The following CC2D1B variants were observed in gnomAD, a reference collection of about 807,000 sequenced individuals.
CC2D1B encodes the protein coiled-coil and C2 domain containing 1B.
CC2D1B carries 92 observed loss-of-function variants against 110.8 expected under a neutral mutation model. The observed-to-expected ratio is 0.83, with a 90% CI of 0.70 to 0.99. The LOEUF (loss-of-function observed/expected upper bound fraction) is 0.99, where lower values mean the gene tolerates loss of function less well. Among genes scored for constraint, CC2D1B ranks in the 50% least tolerant of loss-of-function variants. The probability of loss-of-function intolerance (pLI) is 0.00; values close to 1 mark genes in which losing one functional copy is unlikely to be tolerated. For synonymous variants in CC2D1B, 406 were observed against 429.2 expected (o/e 0.95, Z 0.67); for missense variants, 1,136 against 1,089.0 (o/e 1.04, Z -0.61).
chr1:52,359,139 T>C lies in CC2D1B; in HGVS notation c.1145A>G (p.Gln382Arg). ...CTGCTGCAGGGCATCCAGCACTGTC[T>C]GTGACTCTGTAGGGGCCACTTGAAG... ...PATPVAPTES[Q>R]TVLDALQQRL... Residue 382 changes from glutamine to arginine, a missense_variant, in exon 11 of 25, where the codon CAG becomes CGG. Transcript: ENST00000284376. 2 of 1,611,178 alleles carry C rather than the reference T, an allele frequency of 1.2e-6. No individual in the cohort carries two copies. Among genetic ancestry groups the C allele is most frequent in the Admixed American group, 1.7e-5 (1 of 60,030 alleles).
chr1:52,354,867 C>A lies in CC2D1B; in HGVS notation c.2312G>T (p.Gly771Val). ...TTTGTGGAAGATCTCAAACTTGATGCCTTTGCTCTGGATCACCCTCTTGAA... is the reference window on the plus strand; with the variant it reads ...TTTGTGGAAGATCTCAAACTTGATGACTTTGCTCTGGATCACCCTCTTGAA... ...RGFKRVIQSK[G>V]IKFEIFHKGS... Residue 771 changes from glycine (G) to valine (V), a missense_variant, in exon 22 of 25, where the codon GGC becomes GTC. Physicochemically the swap from Gly to Val is moderately radical, Grantham distance 109. Coordinates refer to ENST00000284376, the MANE Select transcript of CC2D1B (RefSeq NM_001330585.2). 1 of 1,614,178 alleles carries A rather than the reference C, an allele frequency of 6.2e-7. No individual in the cohort carries two copies. The highest frequency in any genetic ancestry group is 8.5e-7 in the Non-Finnish European group (1 of 1,180,008).
Position 52,357,895 on chromosome 1 carries a change from C to A in CC2D1B, c.1465G>T (p.Glu489Ter). 6.4e-7 allele frequency: 1 copy of A among 1,553,168 alleles called. No individual in the cohort carries two copies. The highest frequency in any genetic ancestry group is 8.7e-7 in the Non-Finnish European group (1 of 1,155,474). Residue 489 changes from glutamate to a stop codon, truncating the protein, a stop_gained, in exon 14 of 25, where the codon GAG (glutamate) becomes TAG (stop). Transcript: ENST00000284376. LOFTEE classifies it high-confidence loss of function. Reference protein sequence around the residue: ...APADKDEDEGEPPAQAPVAKK... With the variant: ...APADKDEDEG The stretch of plus-strand genomic sequence containing the variant: ...GCCACTGGGGCCTGTGCTGGGGGCT[C>A]ACCCTGCAGGTGCCCAGGAGGCTGT...
rs1198405050 is a variant in CC2D1B, at chr1:52,352,820, A to C, written c.*405T>G. 6.3e-6 allele frequency: 1 copy of C among 158,678 alleles called. No individual in the cohort carries two copies. Among genetic ancestry groups the C allele is most frequent in the Non-Finnish European group, 1.4e-5 (1 of 71,754 alleles). The allele number at this position is 158,678 out of a possible 1,614,324, so 9.8% of individuals were successfully genotyped here. ...CCCTCAGCAGGGGAGGTTCCCGATC[A>C]CCCTCAAGTTCTCCCATCCCATAGT... On this transcript the variant is annotated 3_prime_UTR_variant, in exon 25 of 25. Transcript: ENST00000284376.
Position 52,360,314 on chromosome 1 carries a change from C to T in CC2D1B, c.604-81G>A, listed in dbSNP as rs1278593213. On this transcript the variant is annotated intron_variant, in intron 6 of 24. Coordinates refer to ENST00000284376, the MANE Select transcript of CC2D1B (RefSeq NM_001330585.2). ...TCCAAGACAGGCCAGGGGTGGCCCC[C>T]CAACCCCCAAAGTCTGGTGGGGTGA... The T allele has an allele frequency of 1.0e-4, 165 of 1,596,058 alleles. 4 individuals carry two copies. In the South Asian group the frequency reaches 1.8e-3, roughly 17 times the overall value.
At position 52,353,565 on chromosome 1, in the gene CC2D1B, T is replaced by C; in HGVS notation, c.2513A>G (p.Gln838Arg). 1.2e-6 allele frequency: 2 copies of C among 1,614,098 alleles called. No individual in the cohort carries two copies. Residue 838 changes from glutamine to arginine, a missense_variant, in exon 24 of 25, where the codon CAG becomes CGG. Gln to Arg is a conservative substitution (Grantham distance 43). Coordinates refer to ENST00000284376, the MANE Select transcript of CC2D1B (RefSeq NM_001330585.2). ...AACCAGCCAGTTCTCAGTGACCATC[T>C]GCACATCCTGGCCACTCAGAGGCTC... is the stretch of plus-strand genomic sequence containing the variant. ...LREPLSGQDV[Q>R]MVTENWLVLE... is the part of the protein sequence containing the mutation.
Position 52,353,328 on chromosome 1 carries a change from C to T in CC2D1B, c.*2-105G>A, listed in dbSNP as rs537270045. 2.0e-6 allele frequency: 3 copies of T among 1,476,900 alleles called. No homozygotes were observed. The East Asian group carries it at 7.5e-5, about 37-fold the overall frequency. 91.5% of individuals were successfully genotyped at this position (1,476,900 alleles called of 1,614,324 possible). A position where few individuals can be genotyped will look rare whatever the true frequency, so the allele number is the denominator to read the frequency against. On this transcript the variant is annotated intron_variant, in intron 24 of 24. Transcript: ENST00000284376. ...ATAGATAGATAGATAGATAGTTAAA[C>T]CTTGGAAGGTTACCTTCTCTTCCCA...
rs141099732 is a variant in CC2D1B at position 52,359,044 on chromosome 1, G to A, written c.1240C>T (p.His414Tyr). 21 of 1,606,954 alleles carry A rather than the reference G, an allele frequency of 1.3e-5. No homozygotes were observed. In the African/African-American group the frequency reaches 2.1e-4, roughly 16 times the overall value. The change falls in exon 11 of 25, where the codon CAT becomes TAT. Residue 414 changes from histidine (H) to tyrosine (Y), a missense_variant. Coordinates refer to ENST00000284376, the MANE Select transcript of CC2D1B (RefSeq NM_001330585.2). ...SGGDERKARM[H>Y]ERIAKQYQDA... ...GGGCCCACCTTGGCAATGCGCTCAT[G>A]CATCCGAGCCTTGCGCTCGTCCCCA...
At chr1:52,364,125 T>C (rs1646838713) in intron 2 of CC2D1B, among the ~76,000 whole-genome samples, 1 of 152,186 alleles carries the variant, frequency 6.6e-6, no homozygotes, top group Non-Finnish European at 1.5e-5. Context: ...ACAGTAAAAA[T>C]GGACTAAGAA....
Position 52,353,142 on chromosome 1 carries a change from A to C in CC2D1B, c.*83T>G. The C allele has an allele frequency of 1.6e-6, 2 of 1,281,650 alleles. No homozygotes were observed. Among genetic ancestry groups the C allele is most frequent in the Non-Finnish European group, 2.1e-6 (2 of 967,308 alleles). The allele number at this position is 1,281,650 out of a possible 1,614,324, so 79.4% of individuals were successfully genotyped here. On this transcript the variant is annotated 3_prime_UTR_variant, in exon 25 of 25. Transcript: ENST00000284376. Reference sequence around the variant, plus strand: ...TGGGTAGCAGCATCTCTTATGTACAAAGGCTTCTGAAGCCAGCAAAGCTGG... The same window carrying C: ...TGGGTAGCAGCATCTCTTATGTACACAGGCTTCTGAAGCCAGCAAAGCTGG...
In CC2D1B at chr1:52,358,236, C is replaced by T. The variant is rs1357185891; in HGVS notation, c.1461+95G>A. 12 of 1,496,666 alleles carry T rather than the reference C, an allele frequency of 8.0e-6. No homozygotes were observed. The East Asian group carries it at 2.7e-4, about 34-fold the overall frequency. The allele number at this position is 1,496,666 out of a possible 1,614,324, so 92.7% of individuals were successfully genotyped here. On this transcript the variant is annotated intron_variant, in intron 13 of 24. Coordinates refer to ENST00000284376, the MANE Select transcript of CC2D1B (RefSeq NM_001330585.2). Reference sequence around the variant, plus strand: ...TGTACAGTGGAGGAAAGAATATGTACCTTATTGGGCTTGTTAGTATGGACA... The same window carrying T: ...TGTACAGTGGAGGAAAGAATATGTATCTTATTGGGCTTGTTAGTATGGACA...
In CC2D1B at chr1:52,357,765, C is replaced by T. The variant is rs370680927; in HGVS notation, c.1579+16G>A. Reference sequence around the variant, plus strand: ...TCTAGGCCCTCAGTTCTTCACCCTGCTTGTCCCCAACTCACCAGATGGACT... The same window carrying T: ...TCTAGGCCCTCAGTTCTTCACCCTGTTTGTCCCCAACTCACCAGATGGACT... On this transcript the variant is annotated intron_variant, in intron 14 of 24. Coordinates refer to ENST00000284376, the MANE Select transcript of CC2D1B (RefSeq NM_001330585.2). 1.3e-6 allele frequency: 2 copies of T among 1,597,164 alleles called. No homozygotes were observed. The highest frequency in any genetic ancestry group is 1.7e-5 in the Admixed American group (1 of 58,650).
At chr1:52,362,866 T>TG (rs2147897056) in intron 2 of CC2D1B, 120 bp from the exon 3 acceptor site, 1 of 1,002,868 alleles carries the variant, frequency 1.0e-6, no homozygotes, top group African/African-American at 1.6e-5. Context: ...TGAGGCCCAA[T>TG]GTGCAGAAAG....
chr1:52,354,800 C>T (rs1458916674), intron 22 of CC2D1B, 40 bp downstream of exon 22: 1 of 1,605,150 alleles, frequency 6.2e-7, no homozygotes, highest in Admixed American at 1.7e-5. Flanking sequence ...CTCTTCCCTC[C>T]TCCCGGCCCG....
At chr1:52,357,957 C>T in intron 13 of CC2D1B, 59 bp from the exon 14 acceptor site, 1 of 1,515,502 alleles carries the variant, frequency 6.6e-7, no homozygotes, top group Middle Eastern at 2.5e-4. Flanking sequence ...GTCATGGCGG[C>T]TCCCAGACTT....
At position 52,352,079 on chromosome 1, in the gene CC2D1B, G is replaced by C. The variant is rs1453472405; in HGVS notation, c.*1146C>G. 1.3e-5 allele frequency: 2 copies of C among 152,048 alleles called. No individual in the cohort carries two copies. The highest frequency in any genetic ancestry group is 4.8e-5 in the African/African-American group (2 of 41,388). 9.4% of individuals were successfully genotyped at this position (152,048 alleles called of 1,614,324 possible). ...TGCTTATGCAATACTATAGTGATCA[G>C]TAAGCTGAATGTATTTGCTTCACTT... On this transcript the variant is annotated 3_prime_UTR_variant, in exon 25 of 25. Transcript: ENST00000284376.
In CC2D1B at chr1:52,359,727, C is replaced by T. The variant is rs376299434; in HGVS notation, c.920G>A (p.Arg307Gln). 1.0e-5 allele frequency: 16 copies of T among 1,605,902 alleles called. No individual in the cohort carries two copies. The highest frequency in any genetic ancestry group is 2.2e-5 in the South Asian group (2 of 89,482). ...TACCTTCCCAATCCTCATGAGCTCTCGGGCACGGTCTAGCTCTCCAGCCCG... is the reference window on the plus strand; with the variant it reads ...TACCTTCCCAATCCTCATGAGCTCTTGGGCACGGTCTAGCTCTCCAGCCCG... ...AKRAGELDRA[R>Q]ELMRIGKRFG... is the part of the protein sequence containing the mutation. The change falls in exon 8 of 25, where the codon CGA (arginine) becomes CAA (glutamine). Residue 307 changes from arginine (R) to glutamine (Q), a missense_variant. By Grantham distance (43) the Arg-to-Gln change is conservative (BLOSUM62 1). Coordinates refer to ENST00000284376, the MANE Select transcript of CC2D1B (RefSeq NM_001330585.2).
chr1:52,365,261 CG>C lies in CC2D1B; in HGVS notation c.-14-628del, dbSNP rs1438379247. ...TGGGAGCGCAGAAATGAACCTAAGA[CG>C]GTCTCAGCCTTCAATGACCATTTAC... is the stretch of plus-strand genomic sequence containing the variant. On this transcript the variant is annotated intron_variant, in intron 1 of 24. Transcript: ENST00000284376. Among the ~76,000 whole-genome samples the C allele has an allele frequency of 6.6e-5, 10 of 152,372 alleles. No homozygotes were observed. The East Asian group carries it at 1.9e-3, about 29-fold the overall frequency.
rs1379261780 is a variant in CC2D1B, at chr1:52,351,344, C to T, written c.*1881G>A. On this transcript the variant is annotated 3_prime_UTR_variant, in exon 25 of 25. Coordinates refer to ENST00000284376, the MANE Select transcript of CC2D1B (RefSeq NM_001330585.2). ...GGCCTGAATTTAGAAACTCCTAGAG[C>T]TGGCTGGAACTTTAGAGGATAACCA... The T allele has an allele frequency of 6.6e-6, 1 of 152,202 alleles. No homozygotes were observed. Among genetic ancestry groups the T allele is most frequent in the Admixed American group, 6.5e-5 (1 of 15,280 alleles). The allele number at this position is 152,202 out of a possible 1,614,324, so 9.4% of individuals were successfully genotyped here.
chr1:52,356,461 A>C lies in CC2D1B; in HGVS notation c.1879-19T>G. ...GGCACTTCTGAAAATAGAGGCCCAG[A>C]GTGACTCCCGAGCCCAGAGCAGGAC... On this transcript the variant is annotated intron_variant, in intron 16 of 24. Coordinates refer to ENST00000284376, the MANE Select transcript of CC2D1B (RefSeq NM_001330585.2). 6.2e-7 allele frequency: 1 copy of C among 1,614,086 alleles called. No homozygotes were observed. The highest frequency in any genetic ancestry group is 8.5e-7 in the Non-Finnish European group (1 of 1,179,950).
Sources: allele counts gnomAD v4.1 joint callset (sites outside exome capture counted in the v4.1 genomes callset), GRCh38; gene constraint gnomAD v4.1.1; transcripts MANE v1.5; gene names NCBI Gene and HGNC (gene_info 2026-07-23, HGNC 2026-07-21).